NOS1: variants seen among roughly 807,000 people sequenced by gnomAD.
NOS1 encodes NOS type I.
A neutral mutation model predicts 164.5 loss-of-function variants in NOS1; 51 were observed. That is an observed-to-expected ratio of 0.31 (90% CI 0.25 to 0.39). NOS1 has a LOEUF of 0.39. Among genes scored for constraint, NOS1 ranks in the 10% least tolerant of loss-of-function variants. NOS1 has a pLI of 1.00. For missense variants in NOS1, 1,362 were observed against 1,885.6 expected (o/e 0.72, Z 5.14); for synonymous variants, 719 against 745.8 (o/e 0.96, Z 0.59).
rs1875495032 is a variant in NOS1, at chr12:117,330,639, T to C, written c.431A>G (p.Glu144Gly). 2 of 1,611,670 alleles carry C rather than the reference T, an allele frequency of 1.2e-6. No homozygotes were observed. Among genetic ancestry groups the C allele is most frequent in the African/African-American group, 2.7e-5 (2 of 74,860 alleles). Residue 144 changes from glutamate (E) to glycine (G), a missense_variant, in exon 2 of 29, where the codon GAA becomes GGA. Transcript: ENST00000317775. The surrounding 1 kb of genome is among the most constrained non-coding windows in gnomAD (Gnocchi z 4.6). ...DLSHQPPAGK[E>G]QPLAVDGASG... ...GGCCCCATCCACTGCCAGGGGCTGT[T>C]CTTTGCCGGCCGGTGGCTGGTGGGA...
intron 10 of NOS1, among the ~76,000 whole-genome samples, chr12:117,270,137 A>T (rs976637374): frequency 6.6e-6 from 1 of 152,254 alleles, no homozygotes; most frequent in Admixed American, 6.5e-5. Flanking sequence ...AGCTGGTGTC[A>T]GGAGCAGGGA....
chr12:117,261,852 T>A (rs910674705), intron 13 of NOS1, among the ~76,000 whole-genome samples: 1 of 152,194 alleles, frequency 6.6e-6, no homozygotes, highest in African/African-American at 2.4e-5. Context: ...CTGGGAAGTC[T>A]GAACATCAAA....
chr12:117,305,790 CT>C lies in NOS1; in HGVS notation c.852+5675del, dbSNP rs1298358667. ...CCAGGATGATTTCGCAGGCCCGTGA[CT>C]TTTTTTTTTTTTTTTCCTGAGGCGG... On this transcript the variant is annotated intron_variant, in intron 3 of 28. Coordinates refer to ENST00000317775, the MANE Select transcript of NOS1 (RefSeq NM_000620.5). 4.1e-3 allele frequency among the ~76,000 whole-genome samples: 575 copies of C among 139,410 alleles called. 4 individuals carry two copies. The highest frequency in any genetic ancestry group is 9.8e-3 in the African/African-American group (375 of 38,376). The allele number at this position is 139,410 out of a possible 152,430, so 91.5% of individuals were successfully genotyped here.
rs769487502 is a variant in NOS1, at chr12:117,290,360, T to C, written c.919A>G (p.Lys307Glu). ...ACCTCAGTCTCCCAGTTCTTGACCT[T>C]GAGGAAGCGTGGACACTTGGAGGGG... ...GSPSKCPRFL[K>E]VKNWETEVVL... Residue 307 changes from lysine to glutamate, a missense_variant, in exon 4 of 29, where the codon AAG (lysine) becomes GAG (glutamate). By Grantham distance (56) the Lys-to-Glu change is moderately conservative. Around this residue, in one of 4 missense-constraint regions of NOS1, gnomAD observed 129 missense variants for 186.0 expected, o/e 0.69. Transcript: ENST00000317775. The C allele has an allele frequency of 5.6e-6, 9 of 1,613,740 alleles. No individual in the cohort carries two copies. The East Asian group carries it at 6.7e-5, about 12-fold the overall frequency.
At chr12:117,275,097 T>C (rs1873075614) in intron 9 of NOS1, among the ~76,000 whole-genome samples, 1 of 152,164 alleles carries the variant, frequency 6.6e-6, no homozygotes, top group Admixed American at 6.5e-5. Context: ...GATGTGCTTA[T>C]TTCACATTGC....
rs964806035 is a variant in NOS1, at chr12:117,352,164, C to T, written c.-421+9348G>A. ...CTCCAGCCTGGGTGACAGAGTAAGA[C>T]GCTGTCTCAGAAATACATACATACA... On this transcript the variant is annotated intron_variant, in intron 1 of 28. Coordinates refer to ENST00000317775, the MANE Select transcript of NOS1 (RefSeq NM_000620.5). Among the ~76,000 whole-genome samples, 6 of 150,448 alleles carry T rather than the reference C, an allele frequency of 4.0e-5. No individual in the cohort carries two copies. In the East Asian group the frequency reaches 6.0e-4, roughly 15 times the overall value.
chr12:117,271,969 A>G (rs1872819827), intron 10 of NOS1, among the ~76,000 whole-genome samples: 1 of 152,174 alleles, frequency 6.6e-6, no homozygotes, highest in Admixed American at 6.5e-5. Context: ...TTCTAACAAG[A>G]TTTAAGACCG....
At chr12:117,340,598 C>T (rs367949699) in intron 1 of NOS1, among the ~76,000 whole-genome samples, 23 of 152,148 alleles carry the variant, frequency 1.5e-4, no homozygotes, top group Non-Finnish European at 2.8e-4. Flanking sequence ...GGCGCAATCT[C>T]GGCTCGCTGC....
At position 117,265,341 on chromosome 12, in the gene NOS1, C is replaced by T. The variant is rs752854196; in HGVS notation, c.2111G>A (p.Arg704Gln). Residue 704 changes from arginine (R) to glutamine (Q), a missense_variant, in exon 12 of 29, where the codon CGG (arginine) becomes CAG (glutamine). Around this residue, in one of 4 missense-constraint regions of NOS1, gnomAD observed 737 missense variants for 1,030.3 expected, o/e 0.72. Coordinates refer to ENST00000317775, the MANE Select transcript of NOS1 (RefSeq NM_000620.5). ...PVFHQEMLNY[R>Q]LTPSFEYQPD... ...CTGGTATTCGAAGGAGGGGGTGAGCCGGTAGTTGAGCATCTCCTGGTGGAA... is the reference window on the plus strand; with the variant it reads ...CTGGTATTCGAAGGAGGGGGTGAGCTGGTAGTTGAGCATCTCCTGGTGGAA... The T allele has an allele frequency of 1.3e-5, 21 of 1,556,898 alleles. 1 individual carries two copies. Among genetic ancestry groups the T allele is most frequent in the Middle Eastern group, 1.7e-4 (1 of 5,844 alleles).
At chr12:117,230,935 G>A (rs1869155049) in intron 22 of NOS1, among the ~76,000 whole-genome samples, 2 of 152,298 alleles carry the variant, frequency 1.3e-5, no homozygotes, top group East Asian at 1.9e-4. Context: ...TGAAGATGGA[G>A]AGTAGAAGGA....
Position 117,290,424 on chromosome 12 carries a change from G to T in NOS1, c.855C>A (p.Pro285=). 1 of 1,611,318 alleles carries T rather than the reference G, an allele frequency of 6.2e-7. No homozygotes were observed. Among genetic ancestry groups the T allele is most frequent in the East Asian group, 2.2e-5 (1 of 44,790 alleles). The change falls in exon 4 of 29, where the codon CCC becomes CCA. Residue 285 remains proline, a splice_region_variant and synonymous_variant. Coordinates refer to ENST00000317775, the MANE Select transcript of NOS1 (RefSeq NM_000620.5). ...TGGGGGACTGTTTTCCTGAGGTGGGGGGCTGCAGGAGAGAATGAAGGTGGA... is the reference window on the plus strand; with the variant it reads ...TGGGGGACTGTTTTCCTGAGGTGGGTGGCTGCAGGAGAGAATGAAGGTGGA... The part of the protein sequence containing the change: ...LNNPYSEKEQ[P]PTSGKQSPTK...
At chr12:117,235,509 C>T (rs754167997) in intron 20 of NOS1, among the ~76,000 whole-genome samples, 5 of 152,050 alleles carry the variant, frequency 3.3e-5, no homozygotes, top group South Asian at 2.1e-4. Flanking sequence ...CAGGGTTCCT[C>T]GTATTGTTAT....
rs377195850 is a variant in NOS1, at chr12:117,285,368, C to A, written c.1291-36G>T. On this transcript the variant is annotated intron_variant, in intron 6 of 28. Coordinates refer to ENST00000317775, the MANE Select transcript of NOS1 (RefSeq NM_000620.5). ...CACAGGGCGGAACTGATTGCCTCTT[C>A]TTTCCCTCCCCAGCTCCCCCAGCGC... 102 of 1,440,398 alleles carry A rather than the reference C, an allele frequency of 7.1e-5. No individual in the cohort carries two copies. In the African/African-American group the frequency reaches 1.3e-3, roughly 19 times the overall value. The allele number at this position is 1,440,398 out of a possible 1,614,324, so 89.2% of individuals were successfully genotyped here.
intron 17 of NOS1, among the ~76,000 whole-genome samples, chr12:117,252,361 A>T (rs1287651172): frequency 1.3e-5 from 2 of 152,182 alleles, no homozygotes; most frequent in Non-Finnish European, 2.9e-5. Context: ...GTTGTAAAAA[A>T]TATGCAGTGA....
At chr12:117,230,416 C>T (rs993303573) in intron 22 of NOS1, among the ~76,000 whole-genome samples, 3 of 152,238 alleles carry the variant, frequency 2.0e-5, no homozygotes, top group Non-Finnish European at 2.9e-5. Flanking sequence ...CTGCCATCTG[C>T]TTCCAAGTCC....
intron 17 of NOS1, among the ~76,000 whole-genome samples, chr12:117,251,791 G>A (rs977669754): frequency 1.3e-5 from 2 of 151,454 alleles, no homozygotes; most frequent in African/African-American, 4.9e-5. Flanking sequence ...GAATGCAGTG[G>A]CGCCATCTCG....
intron 22 of NOS1, among the ~76,000 whole-genome samples, chr12:117,230,146 T>A (rs1331484617): frequency 6.6e-6 from 1 of 152,014 alleles, no homozygotes; most frequent in Non-Finnish European, 1.5e-5. Context: ...ACTCCTGGCC[T>A]CAAGCAATCT....
At chr12:117,250,074 T>C (rs920972348) in intron 17 of NOS1, among the ~76,000 whole-genome samples, 2 of 151,910 alleles carry the variant, frequency 1.3e-5, no homozygotes, top group African/African-American at 4.8e-5. Flanking sequence ...GACAAAATGG[T>C]AACAGATTGA....
At chr12:117,313,310 T>C (rs1725469727) in intron 2 of NOS1, among the ~76,000 whole-genome samples, 4 of 152,146 alleles carry the variant, frequency 2.6e-5, no homozygotes, top group Admixed American at 2.6e-4. Flanking sequence ...GCCTGACTTT[T>C]TTTGGAGACA....
Sources: allele counts gnomAD v4.1 joint callset (sites outside exome capture counted in the v4.1 genomes callset), GRCh38; gene constraint gnomAD v4.1.1; regional missense constraint gnomAD v4.1.1; non-coding constraint Gnocchi (gnomAD v3.1); transcripts MANE v1.5; gene names NCBI Gene and HGNC (gene_info 2026-07-23, HGNC 2026-07-21).